The following STX18 variants were observed in gnomAD, a reference collection of about 807,000 sequenced individuals.
STX18 encodes the protein syntaxin-18.
Under a neutral mutation model 50.1 loss-of-function variants are expected in STX18, and 40 were observed. The ratio of observed to expected loss-of-function variants is 0.80; its 90% CI spans 0.62 to 1.04. The LOEUF is 1.04. Among genes scored for constraint, STX18 ranks in the 50% least tolerant of loss-of-function variants. STX18 has a pLI of 0.00. For missense variants in STX18, 410 were observed against 415.8 expected (o/e 0.99, Z 0.12); for synonymous variants, 158 against 151.8 (o/e 1.04, Z -0.30).
intron 1 of STX18, among the ~76,000 whole-genome samples, chr4:4,488,424 A>G (rs1222176381): frequency 6.6e-6 from 1 of 152,256 alleles, no homozygotes; most frequent in Non-Finnish European, 1.5e-5. Flanking sequence ...CATATCTCAC[A>G]ACTACTCCCA....
chr4:4,459,254 G>T, intron 3 of STX18, 118 bp downstream of exon 3: 1 of 731,600 alleles, frequency 1.4e-6, no homozygotes, highest in Non-Finnish European at 2.3e-6. Flanking sequence ...AGATTTTAAC[G>T]TTTTAAAACC....
chr4:4,510,536 C>T lies in STX18; in HGVS notation c.168+31261G>A, dbSNP rs147263843. On this transcript the variant is annotated intron_variant, in intron 1 of 10. Coordinates refer to ENST00000306200, the MANE Select transcript of STX18 (RefSeq NM_016930.4). ...TGGAGAGGCTGTGGAGAAATAGGAA[C>T]GTTTTTACACTGTTGGTGGGAGTGT... 1.4e-4 allele frequency among the ~76,000 whole-genome samples: 22 copies of T among 152,208 alleles called. No individual in the cohort carries two copies. The East Asian group carries it at 3.3e-3, about 23-fold the overall frequency.
chr4:4,518,654 T>A (rs188294902), intron 1 of STX18, among the ~76,000 whole-genome samples: 35 of 152,294 alleles, frequency 2.3e-4, no homozygotes, highest in Admixed American at 2.2e-3. Context: ...ATTAATTCCT[T>A]CCTCTCTCTT....
chr4:4,478,236 AC>A (rs66516646), intron 1 of STX18, among the ~76,000 whole-genome samples: 16,174 of 138,482 alleles, frequency 0.12, 894 homozygotes, highest in Non-Finnish European at 0.13. Flanking sequence ...AAAAAAAAAA[AC>A]AAAAACGTTT....
chr4:4,470,075 C>G (rs372406067), intron 2 of STX18, among the ~76,000 whole-genome samples: 3 of 152,166 alleles, frequency 2.0e-5, no homozygotes, highest in African/African-American at 7.2e-5. Flanking sequence ...AGAATGCAAA[C>G]GCCATGAGGG....
chr4:4,532,989 GACAA>G (rs1403083157), intron 1 of STX18, among the ~76,000 whole-genome samples: 2 of 152,174 alleles, frequency 1.3e-5, no homozygotes, highest in Non-Finnish European at 2.9e-5. Flanking sequence ...AGAACATTTT[GACAA>G]ACAGACATAT....
intron 1 of STX18, among the ~76,000 whole-genome samples, chr4:4,530,735 A>G (rs1054311067): frequency 6.6e-6 from 1 of 152,010 alleles, no homozygotes; most frequent in Non-Finnish European, 1.5e-5. Context: ...CCTCCCGGGT[A>G]GCTGAGATTA....
chr4:4,449,459 A>G (rs1726630864), intron 5 of STX18, among the ~76,000 whole-genome samples: 1 of 152,172 alleles, frequency 6.6e-6, no homozygotes, highest in Non-Finnish European at 1.5e-5. Context: ...CTTGTTTGGA[A>G]CAGCTCTTCA....
intron 1 of STX18, among the ~76,000 whole-genome samples, chr4:4,522,322 T>C (rs1730544098): frequency 1.3e-5 from 2 of 152,304 alleles, no homozygotes; most frequent in East Asian, 1.9e-4. Flanking sequence ...TCTATTTTAA[T>C]CTAGACACTT....
chr4:4,515,628 T>C (rs1049477728), intron 1 of STX18, among the ~76,000 whole-genome samples: 2 of 152,112 alleles, frequency 1.3e-5, no homozygotes, highest in African/African-American at 4.8e-5. Context: ...CGATAAGACA[T>C]CTGACAAAAG....
intron 3 of STX18, among the ~76,000 whole-genome samples, chr4:4,458,645 G>A (rs988148021): frequency 2.0e-5 from 3 of 152,184 alleles, no homozygotes; most frequent in African/African-American, 7.2e-5. Context: ...TTGTCTCAGT[G>A]AGAATTAAAC....
At chr4:4,468,565 G>T (rs905291384) in intron 2 of STX18, among the ~76,000 whole-genome samples, 3 of 152,048 alleles carry the variant, frequency 2.0e-5, no homozygotes, top group Non-Finnish European at 1.5e-5. Context: ...CTTTGCAAGC[G>T]GTGAGCAGCC....
chr4:4,510,943 AATTG>A (rs1337390974), intron 1 of STX18, among the ~76,000 whole-genome samples: 1 of 150,078 alleles, frequency 6.7e-6, no homozygotes, highest in Non-Finnish European at 1.5e-5. Context: ...CATAAGTGGG[AATTG>A]AACAAGGAGA....
At chr4:4,471,135 A>C (rs761602236) in intron 2 of STX18, among the ~76,000 whole-genome samples, 14 of 152,124 alleles carry the variant, frequency 9.2e-5, no homozygotes, top group Non-Finnish European at 1.6e-4. Flanking sequence ...AAAAGAAGAA[A>C]ATGGCCATCA....
intron 2 of STX18, among the ~76,000 whole-genome samples, chr4:4,465,328 A>G (rs1448547614): frequency 6.6e-6 from 1 of 152,232 alleles, no homozygotes; most frequent in Admixed American, 6.5e-5. Flanking sequence ...ATTATTCACA[A>G]TAGCAAAGAC....
chr4:4,430,372 A>C (rs1029616877), intron 7 of STX18, among the ~76,000 whole-genome samples: 2 of 152,228 alleles, frequency 1.3e-5, no homozygotes, highest in Non-Finnish European at 2.9e-5. Context: ...ATAAGATTTG[A>C]GTTAGTCAGA....
In STX18 at chr4:4,512,943, T is replaced by C. The variant is rs556334533; in HGVS notation, c.168+28854A>G. 2.0e-4 allele frequency among the ~76,000 whole-genome samples: 31 copies of C among 152,266 alleles called. No individual in the cohort carries two copies. In the South Asian group the frequency reaches 3.1e-3, roughly 15 times the overall value. On this transcript the variant is annotated intron_variant, in intron 1 of 10. Transcript: ENST00000306200. ...ACAGAAGACCATAATTGACCAACCA[T>C]TGCTCAGTTTGTGGGCTGACAGAAA...
At chr4:4,491,549 C>A (rs1292902239) in intron 1 of STX18, among the ~76,000 whole-genome samples, 1 of 152,088 alleles carries the variant, frequency 6.6e-6, no homozygotes, top group Admixed American at 6.5e-5. Context: ...TACCAGTTAA[C>A]ATCATCTACC....
At chr4:4,430,553 C>T (rs746570664) in intron 7 of STX18, among the ~76,000 whole-genome samples, 6 of 152,222 alleles carry the variant, frequency 3.9e-5, no homozygotes, top group Non-Finnish European at 7.3e-5. Flanking sequence ...GTCATTGATA[C>T]TACCATGCTA....
Sources: gnomAD v4.1 joint callset for allele counts (sites outside exome capture counted in the v4.1 genomes callset) on GRCh38, gnomAD v4.1.1 for gene constraint, MANE v1.5 for transcripts, NCBI Gene and HGNC (gene_info 2026-07-23, HGNC 2026-07-21) for gene names.